Variants in P2RX3 observed in about 807,000 individuals in gnomAD.
P2RX3 encodes P2X purinoceptor 3.
Under a neutral mutation model 51.5 loss-of-function variants are expected in P2RX3, and 41 were observed. The observed-to-expected ratio is 0.80, with a 90% confidence interval of 0.62 to 1.03. The LOEUF is 1.03. Ranked by LOEUF, P2RX3 falls within the 50% of genes least tolerant of loss-of-function variation. The pLI is 0.00. For synonymous variants in P2RX3, 185 were observed against 191.6 expected, an observed-to-expected ratio of 0.97 and a Z score of 0.29; for missense variants, 459 against 522.1, an observed-to-expected ratio of 0.88 and a Z score of 1.18.
At chr11:57,367,010 A>AT (rs1856807945) in intron 8 of P2RX3, among the ~76,000 whole-genome samples, 1 of 152,228 alleles carries the variant, frequency 6.6e-6, no homozygotes, top group Admixed American at 6.5e-5. Context: ...CATTCAAACC[A>AT]TAGCACTATC....
chr11:57,359,438 G>A (rs1373435390), intron 8 of P2RX3, among the ~76,000 whole-genome samples: 1 of 152,174 alleles, frequency 6.6e-6, no homozygotes, highest in Non-Finnish European at 1.5e-5. Context: ...CATCCCCGCT[G>A]CCCTTCAAGT....
rs564106922 is a variant in P2RX3 at position 57,353,767 on chromosome 11, A to G, written c.842+2869A>G. Among the ~76,000 whole-genome samples, 26 of 151,992 alleles carry G rather than the reference A, an allele frequency of 1.7e-4. No individual in the cohort carries two copies. In the South Asian group the frequency reaches 5.4e-3, roughly 32 times the overall value. ...GCCGTGTTTGAATCTGCTAACTAAG[A>G]CATCCAGAGGCAGCTAGAGATTCAC... On this transcript the variant is annotated intron_variant, in intron 8 of 11. Transcript: ENST00000263314.
At position 57,372,138 on chromosome 11, in the gene P2RX3, A is replaced by G. The variant is rs550269654; in HGVS notation, c.*2141A>G. Among the ~76,000 whole-genome samples the G allele has an allele frequency of 6.6e-6, 1 of 152,348 alleles. No individual in the cohort carries two copies. The highest frequency in any genetic ancestry group is 1.9e-4 in the East Asian group (1 of 5,192). ...CATAATCACATGGACCCTCACACCA[A>G]CGCTGGTGAGTCCGCTATGGTTTGT... On this transcript the variant is annotated 3_prime_UTR_variant, in exon 12 of 12. Transcript: ENST00000263314.
At chr11:57,345,425 G>A (rs761865549) in intron 1 of P2RX3, among the ~76,000 whole-genome samples, 1 of 152,122 alleles carries the variant, frequency 6.6e-6, no homozygotes, top group African/African-American at 2.4e-5. Context: ...TGTTTACATC[G>A]TATGTTTCTC....
rs572762468 is a variant in P2RX3 at position 57,371,897 on chromosome 11, C to G, written c.*1900C>G. Among the ~76,000 whole-genome samples the G allele has an allele frequency of 4.3e-4, 66 of 152,280 alleles. 1 individual carries two copies. In the South Asian group the frequency reaches 0.012, roughly 29 times the overall value. On this transcript the variant is annotated 3_prime_UTR_variant, in exon 12 of 12. Transcript: ENST00000263314. ...TGGTGTCCTGAAGGGACCCTCCCCC[C>G]CAACCCCTCCCTTTTACCCAGATGG...
At chr11:57,359,608 T>G (rs1856684892) in intron 8 of P2RX3, among the ~76,000 whole-genome samples, 1 of 152,250 alleles carries the variant, frequency 6.6e-6, no homozygotes, top group Non-Finnish European at 1.5e-5. Flanking sequence ...ATGGCATCAT[T>G]GCAGTCACAG....
chr11:57,349,233 A>T (rs2003065), intron 6 of P2RX3, among the ~76,000 whole-genome samples: 52,423 of 150,824 alleles, frequency 0.35, 10,971 homozygotes, highest in East Asian at 0.67. Context: ...GAGGCCGAGA[A>T]GGGTGGATCA....
chr11:57,350,654 G>A (rs2134422577), intron 7 of P2RX3, 108 bp from the exon 8 acceptor site: 4 of 1,442,986 alleles, frequency 2.8e-6, no homozygotes, highest in Non-Finnish European at 3.8e-6. Flanking sequence ...CTCCCACCTG[G>A]AGGATGGGAG....
At chr11:57,340,268 T>G (rs1856314282) in intron 1 of P2RX3, among the ~76,000 whole-genome samples, 1 of 152,210 alleles carries the variant, frequency 6.6e-6, no homozygotes, top group African/African-American at 2.4e-5. Context: ...AGTGGGCTCC[T>G]AGACCAGCCC....
At chr11:57,345,364 A>C (rs1856412179) in intron 1 of P2RX3, among the ~76,000 whole-genome samples, 1 of 152,166 alleles carries the variant, frequency 6.6e-6, no homozygotes, top group Non-Finnish European at 1.5e-5. Flanking sequence ...TCTGTGGTCA[A>C]ATAAGATTGG....
At chr11:57,354,046 G>A (rs1426409209) in intron 8 of P2RX3, among the ~76,000 whole-genome samples, 2 of 152,030 alleles carry the variant, frequency 1.3e-5, no homozygotes, top group African/African-American at 2.4e-5. Flanking sequence ...TGATTTAAAG[G>A]AGTTTACGGA....
Position 57,346,665 on chromosome 11 carries a change from G to C in P2RX3, c.241G>C (p.Val81Leu). 6.2e-7 allele frequency: 1 copy of C among 1,613,966 alleles called. No homozygotes were observed. Among genetic ancestry groups the C allele is most frequent in the South Asian group, 1.1e-5 (1 of 91,070 alleles). ...CAGAGTCATGGATGTGTCTGATTACGTGACGCCACCTCAGGTATGGTACCC... is the reference window on the plus strand; with the variant it reads ...CAGAGTCATGGATGTGTCTGATTACCTGACGCCACCTCAGGTATGGTACCC... ...ANRVMDVSDYVTPPQGTSVFV... is the reference protein window; with the variant it reads ...ANRVMDVSDYLTPPQGTSVFV... Residue 81 changes from valine to leucine, a missense_variant, in exon 2 of 12, where the codon GTG becomes CTG. Val to Leu is a conservative substitution (Grantham distance 32). Transcript: ENST00000263314.
At chr11:57,363,168 G>T (rs1420781017) in intron 8 of P2RX3, among the ~76,000 whole-genome samples, 1 of 152,148 alleles carries the variant, frequency 6.6e-6, no homozygotes. Flanking sequence ...TCCTTAGAGG[G>T]TTTACTCCTG....
At chr11:57,358,572 G>A (rs1195468487) in intron 8 of P2RX3, among the ~76,000 whole-genome samples, 1 of 152,174 alleles carries the variant, frequency 6.6e-6, no homozygotes, top group Admixed American at 6.5e-5. Flanking sequence ...GTGATGTTAA[G>A]CACGTCTCAT....
chr11:57,362,661 C>A (rs1012883669), intron 8 of P2RX3, among the ~76,000 whole-genome samples: 1 of 152,086 alleles, frequency 6.6e-6, no homozygotes, highest in Admixed American at 6.6e-5. Flanking sequence ...AGTGTGGGTC[C>A]GACAGCTGGA....
At chr11:57,360,570 G>T (rs911420832) in intron 8 of P2RX3, among the ~76,000 whole-genome samples, 1 of 151,654 alleles carries the variant, frequency 6.6e-6, no homozygotes. Context: ...CGAGGTGAGC[G>T]GTTCACAAGG....
rs1565075125 is a variant in P2RX3 at position 57,369,444 on chromosome 11, TTGGGG to T, written c.1080+7_1080+11del. On this transcript the variant is annotated splice_region_variant and intron_variant, in intron 11 of 11. Coordinates refer to ENST00000263314, the MANE Select transcript of P2RX3 (RefSeq NM_002559.5). ...AAGCCAAGAAGTTTGAGGAGGTGAG[TTGGGG>T]AAGGGGCACCCTTGGATAAAAGGGA... The T allele has an allele frequency of 1.9e-6, 3 of 1,601,792 alleles. No individual in the cohort carries two copies. Among genetic ancestry groups the T allele is most frequent in the Non-Finnish European group, 2.6e-6 (3 of 1,175,534 alleles).
intron 8 of P2RX3, among the ~76,000 whole-genome samples, chr11:57,366,314 C>T (rs1339456359): frequency 6.6e-6 from 1 of 152,160 alleles, no homozygotes; most frequent in African/African-American, 2.4e-5. Flanking sequence ...TCCTCCCCAC[C>T]ATAGGCATCT....
chr11:57,342,805 C>T (rs1451157219), intron 1 of P2RX3, among the ~76,000 whole-genome samples: 1 of 151,820 alleles, frequency 6.6e-6, no homozygotes, highest in Non-Finnish European at 1.5e-5. Context: ...TCACACCTTC[C>T]TAAGAGACCC....
Sources: gnomAD v4.1 joint callset for allele counts (sites outside exome capture counted in the v4.1 genomes callset) on GRCh38, gnomAD v4.1.1 for gene constraint, MANE v1.5 for transcripts, NCBI Gene and HGNC (gene_info 2026-07-23, HGNC 2026-07-21) for gene names.